Variants in ATP6V0D1 observed in about 807,000 individuals in gnomAD.
ATP6V0D1 encodes ATPase H+ transporting V0 subunit d1, also known as V-type proton ATPase subunit d 1.
ATP6V0D1 carries 13 observed loss-of-function variants against 39.0 expected under a neutral mutation model. The observed-to-expected ratio is 0.33, with a 90% CI of 0.22 to 0.53. ATP6V0D1 has a LOEUF of 0.53. Among genes scored for constraint, ATP6V0D1 ranks in the 20% least tolerant of loss-of-function variants. The pLI is 0.94. For synonymous variants in ATP6V0D1, 191 were observed against 191.2 expected, an observed-to-expected ratio of 1.00 and a Z score of 0.01; for missense variants, 272 against 470.9, an observed-to-expected ratio of 0.58 and a Z score of 3.91.
rs2040998097 is a variant in ATP6V0D1, at chr16:67,438,245, G to A, written c.*283C>T. 3 of 469,082 alleles carry A rather than the reference G, an allele frequency of 6.4e-6. No individual in the cohort carries two copies. The highest frequency in any genetic ancestry group is 1.2e-5 in the Non-Finnish European group (3 of 259,166). 29.1% of individuals were successfully genotyped at this position (469,082 alleles called of 1,614,324 possible). A position where few individuals can be genotyped will look rare whatever the true frequency, so the allele number is the denominator to read the frequency against. ...GAACATGAAAGTGACATGCTTCTTA[G>A]ATACATCAGCGGCTGTAACCACAGG... is the stretch of plus-strand genomic sequence containing the variant. On this transcript the variant is annotated 3_prime_UTR_variant, in exon 8 of 8. Coordinates refer to ENST00000290949, the MANE Select transcript of ATP6V0D1 (RefSeq NM_004691.5).
rs1056728819 is a variant in ATP6V0D1 at position 67,453,936 on chromosome 16, C to T, written c.131-221G>A. Among the ~76,000 whole-genome samples the T allele has an allele frequency of 1.3e-5, 2 of 152,168 alleles. No homozygotes were observed. Among genetic ancestry groups the T allele is most frequent in the Admixed American group, 1.3e-4 (2 of 15,272 alleles). On this transcript the variant is annotated intron_variant, in intron 1 of 7. Transcript: ENST00000290949. This position sits in a 1 kb window ranked among gnomAD's most constrained non-coding sequence, Gnocchi z 4.1. ...TTGGGCCACAATCCAGCACATGGAGCCCCAAAGTTCGAGCATAAGAGGAAC... is the reference window on the plus strand; with the variant it reads ...TTGGGCCACAATCCAGCACATGGAGTCCCAAAGTTCGAGCATAAGAGGAAC...
chr16:67,474,482 A>C (rs2041399613), intron 1 of ATP6V0D1, among the ~76,000 whole-genome samples: 1 of 152,098 alleles, frequency 6.6e-6, no homozygotes, highest in Admixed American at 6.5e-5. Flanking sequence ...GAATGGCAAA[A>C]CCAAATGGAA....
At chr16:67,455,876 CT>C (rs2041232576) in intron 1 of ATP6V0D1, 1 of 152,168 alleles carries the variant, frequency 6.6e-6, no homozygotes, top group Non-Finnish European at 1.5e-5. Context: ...TGGTTGTTAA[CT>C]GTTCTTAACT....
Position 67,453,428 on chromosome 16 carries a change from C to T in ATP6V0D1, c.302+116G>A. 1.6e-6 allele frequency: 2 copies of T among 1,278,270 alleles called. No individual in the cohort carries two copies. Among genetic ancestry groups the T allele is most frequent in the East Asian group, 4.7e-5 (2 of 42,680 alleles). 79.2% of individuals were successfully genotyped at this position (1,278,270 alleles called of 1,614,324 possible). ...CCTGGCCTGACAGAGCTGCCATCAG[C>T]TCTGACAGCTGACACAGGCACGAAG... On this transcript the variant is annotated intron_variant, in intron 2 of 7. Transcript: ENST00000290949. The surrounding 1 kb of genome is among the most constrained non-coding windows in gnomAD (Gnocchi z 4.1).
intron 1 of ATP6V0D1, among the ~76,000 whole-genome samples, chr16:67,467,765 G>A (rs1056246393): frequency 6.6e-6 from 1 of 152,176 alleles, no homozygotes; most frequent in Non-Finnish European, 1.5e-5. Context: ...CTGAGCAGGC[G>A]CAGATGACTT....
At chr16:67,446,448 C>T (rs2142304358) in intron 2 of ATP6V0D1, among the ~76,000 whole-genome samples, 1 of 152,328 alleles carries the variant, frequency 6.6e-6, no homozygotes, top group African/African-American at 2.4e-5. Flanking sequence ...TAACTCCCAA[C>T]CATAACTGAG....
intron 1 of ATP6V0D1, among the ~76,000 whole-genome samples, chr16:67,469,967 T>G (rs1209457512): frequency 6.6e-6 from 1 of 152,220 alleles, no homozygotes; most frequent in African/African-American, 2.4e-5. Context: ...AGGGATTACA[T>G]GTAACGCTTT....
At chr16:67,472,580 C>G (rs952676541) in intron 1 of ATP6V0D1, among the ~76,000 whole-genome samples, 1 of 152,156 alleles carries the variant, frequency 6.6e-6, no homozygotes, top group African/African-American at 2.4e-5. Flanking sequence ...TAAAATATTT[C>G]CAGGCGGCTG....
chr16:67,443,383 T>C (rs2041076648), intron 3 of ATP6V0D1: 1 of 554,222 alleles, frequency 1.8e-6, no homozygotes, highest in Non-Finnish European at 3.2e-6. Context: ...TCCTGCCTCC[T>C]TGCTCCTAAA....
intron 1 of ATP6V0D1, among the ~76,000 whole-genome samples, chr16:67,476,107 A>G (rs2041412600): frequency 6.6e-6 from 1 of 152,180 alleles, no homozygotes; most frequent in Non-Finnish European, 1.5e-5. Flanking sequence ...CTGTAGTCAC[A>G]GCTACTCAGG....
intron 1 of ATP6V0D1, among the ~76,000 whole-genome samples, chr16:67,458,330 G>A (rs1195054237): frequency 6.6e-6 from 1 of 152,216 alleles, no homozygotes; most frequent in African/African-American, 2.4e-5. Flanking sequence ...CACAGAAGGA[G>A]AGGCCTGGAA....
intron 2 of ATP6V0D1, among the ~76,000 whole-genome samples, chr16:67,451,247 G>A (rs550538131): frequency 6.6e-6 from 1 of 152,334 alleles, no homozygotes; most frequent in East Asian, 1.9e-4. Flanking sequence ...CTCCAGGGCT[G>A]GGGGGCTGCC....
intron 1 of ATP6V0D1, among the ~76,000 whole-genome samples, chr16:67,472,901 T>C (rs1298698137): frequency 1.3e-5 from 2 of 152,104 alleles, no homozygotes; most frequent in Non-Finnish European, 2.9e-5. Context: ...GGCAAGAGCA[T>C]ACACAGAAAA....
At chr16:67,443,403 TA>T in intron 3 of ATP6V0D1, 1 of 538,008 alleles carries the variant, frequency 1.9e-6, no homozygotes, top group South Asian at 2.5e-5. Context: ...AATTGATTTA[TA>T]AAGGAGGCAG....
chr16:67,443,785 G>A (rs1355091791), intron 3 of ATP6V0D1, among the ~76,000 whole-genome samples: 1 of 152,250 alleles, frequency 6.6e-6, no homozygotes, highest in African/African-American at 2.4e-5. Context: ...CCCAGAACCA[G>A]CTCAGAGTTG....
chr16:67,442,106 T>C (rs1288210416), intron 4 of ATP6V0D1, among the ~76,000 whole-genome samples: 2 of 152,282 alleles, frequency 1.3e-5, no homozygotes, highest in African/African-American at 2.4e-5. Flanking sequence ...TGCTGGTCCC[T>C]TGCCGACACC....
intron 1 of ATP6V0D1, among the ~76,000 whole-genome samples, chr16:67,479,294 A>C (rs750062670): frequency 3.4e-4 from 52 of 151,208 alleles, no homozygotes; most frequent in Non-Finnish European, 5.7e-4. Flanking sequence ...GCTCACTGCA[A>C]CCTTTGCCTC....
chr16:67,467,289 G>C (rs190914389), intron 1 of ATP6V0D1, among the ~76,000 whole-genome samples: 1 of 152,110 alleles, frequency 6.6e-6, no homozygotes. Flanking sequence ...GGCGGATCAC[G>C]AGGTCAAGAG....
In ATP6V0D1 at chr16:67,438,836, T is replaced by C. The variant is rs763884699; in HGVS notation, c.851A>G (p.Asn284Ser). The change falls in exon 7 of 8, where the codon AAC (asparagine) becomes AGC (serine). Residue 284 changes from asparagine (N) to serine (S), a missense_variant. Physicochemically the swap from Asn to Ser is conservative, Grantham distance 46. This residue lies in a region of ATP6V0D1 where 21 missense variants were observed against 16.5 expected (regional missense o/e 1.27). Coordinates refer to ENST00000290949, the MANE Select transcript of ATP6V0D1 (RefSeq NM_004691.5). ...YKLLFEGAGS[N>S]PGDKTLEDRF... Reference sequence around the variant, plus strand: ...GTCCTCCAGCGTCTTGTCTCCAGGGTTGCTACCTGCACCCTCGAAGAGCAG... The same window carrying C: ...GTCCTCCAGCGTCTTGTCTCCAGGGCTGCTACCTGCACCCTCGAAGAGCAG... 7 of 1,613,374 alleles carry C rather than the reference T, an allele frequency of 4.3e-6. No homozygotes were observed. In the South Asian group the frequency reaches 7.7e-5, roughly 18 times the overall value.
Sources: gnomAD v4.1 joint callset for allele counts (sites outside exome capture counted in the v4.1 genomes callset) on GRCh38, gnomAD v4.1.1 for gene constraint, gnomAD v4.1.1 regional missense constraint, Gnocchi (gnomAD v3.1) non-coding constraint, MANE v1.5 for transcripts, NCBI Gene and HGNC (gene_info 2026-07-23, HGNC 2026-07-21) for gene names.